The following RSPRY1 variants were observed in gnomAD, a reference collection of about 807,000 sequenced individuals.
RSPRY1 encodes ring finger and SPRY domain containing 1, also known as RING finger and SPRY domain-containing protein 1.
Under a neutral mutation model 73.1 loss-of-function variants are expected in RSPRY1, and 23 were observed. The ratio of observed to expected loss-of-function variants is 0.31; its 90% CI spans 0.23 to 0.45. The LOEUF (loss-of-function observed/expected upper bound fraction) is 0.45. Among genes scored for constraint, RSPRY1 ranks in the 20% least tolerant of loss-of-function variants. The pLI is 1.00. For missense variants in RSPRY1, 448 were observed against 698.7 expected (o/e 0.64, Z 4.05); for synonymous variants, 226 against 251.4 (o/e 0.90, Z 0.95).
rs531375224 is a variant in RSPRY1 at position 57,200,236 on chromosome 16, C to G, written c.-155-4268C>G. On this transcript the variant is annotated intron_variant, in intron 1 of 14. Coordinates refer to ENST00000394420, the MANE Select transcript of RSPRY1 (RefSeq NM_133368.3). ...CAGGGTTGGGGGTAAGGTCACAGAT[C>G]AACAGGATCCCAAGGCAGAAGAATT... Among the ~76,000 whole-genome samples the G allele has an allele frequency of 3.1e-4, 47 of 149,362 alleles. 1 individual carries two copies. The South Asian group carries it at 0.01, about 32-fold the overall frequency.
At chr16:57,201,740 C>T (rs965329136) in intron 1 of RSPRY1, among the ~76,000 whole-genome samples, 1 of 152,212 alleles carries the variant, frequency 6.6e-6, no homozygotes, top group East Asian at 1.9e-4. Flanking sequence ...GCGGATCACT[C>T]GCGGTTAGGA....
rs1466838401 is a variant in RSPRY1 at position 57,203,345 on chromosome 16, C to T, written c.-155-1159C>T. 2.6e-5 allele frequency among the ~76,000 whole-genome samples: 4 copies of T among 152,156 alleles called. No individual in the cohort carries two copies. The South Asian group carries it at 8.3e-4, about 31-fold the overall frequency. On this transcript the variant is annotated intron_variant, in intron 1 of 14. Coordinates refer to ENST00000394420, the MANE Select transcript of RSPRY1 (RefSeq NM_133368.3). The stretch of plus-strand genomic sequence containing the variant: ...AAATAATGGGAGTAATATTTCTCTT[C>T]TAATTCCACTGAATTATAAATTTTG...
At chr16:57,224,889 T>C (rs1295527002) in intron 10 of RSPRY1, among the ~76,000 whole-genome samples, 1 of 152,254 alleles carries the variant, frequency 6.6e-6, no homozygotes, top group African/African-American at 2.4e-5. Context: ...CTTTCAAGTG[T>C]TCTGTCAAGG....
chr16:57,222,223 C>T (rs1016361017), intron 10 of RSPRY1, among the ~76,000 whole-genome samples: 4 of 152,106 alleles, frequency 2.6e-5, no homozygotes, highest in East Asian at 1.9e-4. Context: ...CAAAATCAAG[C>T]TAAACTTGCC....
Position 57,204,601 on chromosome 16 carries a change from G to C in RSPRY1, c.-58G>C. 6.7e-7 allele frequency: 1 copy of C among 1,487,162 alleles called. No homozygotes were observed. The highest frequency in any genetic ancestry group is 9.2e-7 in the Non-Finnish European group (1 of 1,082,312). 92.1% of individuals were successfully genotyped at this position (1,487,162 alleles called of 1,614,324 possible). A position where few individuals can be genotyped will look rare whatever the true frequency, so the allele number is the denominator to read the frequency against. On this transcript the variant is annotated 5_prime_UTR_variant, in exon 2 of 15. The change abolishes an upstream ATG in the 5' untranslated region. Coordinates refer to ENST00000394420, the MANE Select transcript of RSPRY1 (RefSeq NM_133368.3). ...TTCAGTTGTTAAAAACAAATAGGAT[G>C]CAAATTCCTCAACTCCAGGTTATGA...
chr16:57,221,049 T>C (rs2075026347), intron 9 of RSPRY1, among the ~76,000 whole-genome samples: 1 of 152,234 alleles, frequency 6.6e-6, no homozygotes, highest in Non-Finnish European at 1.5e-5. Flanking sequence ...ATTAAAGAAC[T>C]GTTTGAAGAA....
chr16:57,208,610 G>C (rs1320560882), intron 3 of RSPRY1, among the ~76,000 whole-genome samples: 3 of 151,724 alleles, frequency 2.0e-5, no homozygotes, highest in African/African-American at 7.3e-5. Context: ...TGTTGGCCCA[G>C]CCTGGTCTTG....
intron 7 of RSPRY1, 174 bp downstream of exon 7, chr16:57,216,347 G>C (rs1167873602): frequency 3.8e-6 from 2 of 522,224 alleles, no homozygotes; most frequent in African/African-American, 3.9e-5. Context: ...CAAAGGCAAG[G>C]ATTTTCTCAC....
intron 4 of RSPRY1, 126 bp downstream of exon 4, chr16:57,209,313 G>T (rs1457241271): frequency 3.3e-5 from 20 of 611,794 alleles, no homozygotes; most frequent in Non-Finnish European, 4.3e-5. Context: ...ATTCAGTATT[G>T]ATTTTGTTAT....
At chr16:57,220,893 AATT>A (rs1311533181) in intron 9 of RSPRY1, 46 bp downstream of exon 9, 2 of 1,312,424 alleles carry the variant, frequency 1.5e-6, no homozygotes, top group Non-Finnish European at 2.2e-6. Context: ...ATGAGAGGGT[AATT>A]ATTTTAATCC....
intron 7 of RSPRY1, 38 bp downstream of exon 7, chr16:57,216,211 A>G (rs772856496): frequency 6.9e-7 from 1 of 1,459,110 alleles, no homozygotes; most frequent in Non-Finnish European, 9.6e-7. Context: ...GATCTTCTGT[A>G]TTGGTTGTTA....
At position 57,238,875 on chromosome 16, in the gene RSPRY1, C is replaced by A. The variant is rs1468419280; in HGVS notation, c.1635-4C>A. ...TTGACTGACTTTTCTGTGTTTCTCC[C>A]CAGTGACCTGTGCATGGATTGTGCC... On this transcript the variant is annotated splice_polypyrimidine_tract_variant and splice_region_variant and intron_variant, in intron 14 of 14. Coordinates refer to ENST00000394420, the MANE Select transcript of RSPRY1 (RefSeq NM_133368.3). 2.6e-6 allele frequency: 4 copies of A among 1,565,870 alleles called. No homozygotes were observed. The highest frequency in any genetic ancestry group is 1.2e-5 in the South Asian group (1 of 82,334).
intron 2 of RSPRY1, among the ~76,000 whole-genome samples, chr16:57,206,016 A>G (rs540005601): frequency 2.6e-5 from 4 of 152,264 alleles, no homozygotes; most frequent in Non-Finnish European, 5.9e-5. Flanking sequence ...AAAATTAAGC[A>G]TAAAACAGAG....
At chr16:57,218,847 T>C (rs1359278562) in intron 8 of RSPRY1, among the ~76,000 whole-genome samples, 4 of 127,460 alleles carry the variant, frequency 3.1e-5, no homozygotes, top group Non-Finnish European at 4.8e-5. Context: ...GCCATTCTCC[T>C]GCCTCAGCCT....
At chr16:57,191,446 C>T (rs138857992) in intron 1 of RSPRY1, among the ~76,000 whole-genome samples, 16 of 152,132 alleles carry the variant, frequency 1.1e-4, no homozygotes, top group Middle Eastern at 6.8e-3. Flanking sequence ...ACTTTTTTCG[C>T]CCAGGAAGTC....
chr16:57,201,819 C>T (rs1252404652), intron 1 of RSPRY1, among the ~76,000 whole-genome samples: 1 of 152,216 alleles, frequency 6.6e-6, no homozygotes, highest in African/African-American at 2.4e-5. Flanking sequence ...ACCAGTCAGG[C>T]GTGGCGGTGC....
chr16:57,214,719 A>G (rs1386285555), intron 6 of RSPRY1, among the ~76,000 whole-genome samples: 1 of 152,226 alleles, frequency 6.6e-6, no homozygotes. Context: ...TGATCATGGG[A>G]GAAAGTACTT....
At chr16:57,219,875 G>C (rs1353859548) in intron 8 of RSPRY1, 1 of 152,180 alleles carries the variant, frequency 6.6e-6, no homozygotes, top group Non-Finnish European at 1.5e-5. Context: ...TTTTGCTTAT[G>C]GATATGTAGT....
chr16:57,186,410 G>A lies in RSPRY1; in HGVS notation c.-197G>A. 1 of 158,200 alleles carries A rather than the reference G, an allele frequency of 6.3e-6. No homozygotes were observed. The highest frequency in any genetic ancestry group is 1.7e-4 in the South Asian group (1 of 5,722). 9.8% of individuals were successfully genotyped at this position (158,200 alleles called of 1,614,324 possible). A position where few individuals can be genotyped will look rare whatever the true frequency, so the allele number is the denominator to read the frequency against. ...CCTGTCACAAAGGAGTCGCGCCGCC[G>A]CCGCCGCCCCCTCCCTCCGGTGGGC... On this transcript the variant is annotated 5_prime_UTR_variant, in exon 1 of 15. Coordinates refer to ENST00000394420, the MANE Select transcript of RSPRY1 (RefSeq NM_133368.3).
Sources: gnomAD v4.1 joint callset for allele counts (sites outside exome capture counted in the v4.1 genomes callset) on GRCh38, gnomAD v4.1.1 for gene constraint, MANE v1.5 for transcripts, NCBI Gene and HGNC (gene_info 2026-07-23, HGNC 2026-07-21) for gene names.